Variants in LPAR1 observed in about 807,000 individuals in gnomAD.
The protein encoded by LPAR1 is lysophosphatidic acid receptor 1, also known as LPA receptor 1.
A neutral mutation model predicts 23.8 loss-of-function variants in LPAR1; 5 were observed. The observed-to-expected ratio is 0.21, with a 90% CI of 0.11 to 0.44. The LOEUF is 0.44. Among genes scored for constraint, LPAR1 ranks in the 20% least tolerant of loss-of-function variants. The pLI, the probability that LPAR1 is intolerant of heterozygous loss-of-function variation, is 0.99. For synonymous variants in LPAR1, 160 were observed against 164.7 expected, an observed-to-expected ratio of 0.97 and a Z score of 0.22; for missense variants, 311 against 482.8, an observed-to-expected ratio of 0.64 and a Z score of 3.33.
At chr9:110,893,637 G>T (rs909338946) in intron 5 of LPAR1, among the ~76,000 whole-genome samples, 1 of 152,124 alleles carries the variant, frequency 6.6e-6, no homozygotes, top group Non-Finnish European at 1.5e-5. Context: ...CATTGTTTTT[G>T]TAACTTTTTT....
At chr9:110,882,426 G>T (rs1197677488) in intron 5 of LPAR1, among the ~76,000 whole-genome samples, 1 of 152,122 alleles carries the variant, frequency 6.6e-6, no homozygotes, top group South Asian at 2.1e-4. Context: ...TTAAATTACG[G>T]GTGGAAAATA....
Position 110,874,423 on chromosome 9 carries a change from A to C in LPAR1, c.*998T>G, listed in dbSNP as rs2078692163. Reference sequence around the variant, plus strand: ...TGTAAAAAAAGTATACAATACACATATAGGCATACATGGGGGTTGCTTTTT... The same window carrying C: ...TGTAAAAAAAGTATACAATACACATCTAGGCATACATGGGGGTTGCTTTTT... On this transcript the variant is annotated 3_prime_UTR_variant, in exon 6 of 6. Coordinates refer to ENST00000683809, the MANE Select transcript of LPAR1 (RefSeq NM_001351411.2). 6.6e-6 allele frequency: 1 copy of C among 152,664 alleles called. No individual in the cohort carries two copies. The highest frequency in any genetic ancestry group is 2.4e-5 in the African/African-American group (1 of 41,466). 9.5% of individuals were successfully genotyped at this position (152,664 alleles called of 1,614,324 possible).
rs772129805 is a variant in LPAR1, at chr9:110,942,095, T to G, written c.119A>C (p.His40Pro). The change falls in exon 5 of 6, where the codon CAT becomes CCT. Residue 40 changes from histidine (H) to proline (P), a missense_variant. Coordinates refer to ENST00000683809, the MANE Select transcript of LPAR1 (RefSeq NM_001351411.2). ...IAFFYNRSGK[H>P]LATEWNTVSK... ...GACTGTGTTCCATTCTGTGGCAAGATGCTTTCCACTTCGGTTATAAAAGAA... is the reference window on the plus strand; with the variant it reads ...GACTGTGTTCCATTCTGTGGCAAGAGGCTTTCCACTTCGGTTATAAAAGAA... The G allele has an allele frequency of 1.2e-6, 2 of 1,614,138 alleles. No individual in the cohort carries two copies. Among genetic ancestry groups the G allele is most frequent in the East Asian group, 2.2e-5 (1 of 44,884 alleles).
intron 4 of LPAR1, among the ~76,000 whole-genome samples, chr9:110,950,643 G>GA (rs1049949607): frequency 1.3e-5 from 2 of 149,856 alleles, no homozygotes; most frequent in East Asian, 2.0e-4. Flanking sequence ...AAAAATACCA[G>GA]AAAAAAAAAT....
chr9:110,922,527 A>G (rs2093699482), intron 5 of LPAR1, among the ~76,000 whole-genome samples: 1 of 152,118 alleles, frequency 6.6e-6, no homozygotes, highest in Non-Finnish European at 1.5e-5. Context: ...TAAAAATGAT[A>G]ATTCTTTCAA....
intron 5 of LPAR1, among the ~76,000 whole-genome samples, chr9:110,878,227 C>A (rs1192762918): frequency 6.6e-6 from 1 of 152,118 alleles, no homozygotes; most frequent in African/African-American, 2.4e-5. Context: ...ACAGTACAGG[C>A]CTCCGAAATC....
At chr9:110,928,124 T>C (rs901210936) in intron 5 of LPAR1, among the ~76,000 whole-genome samples, 2 of 152,152 alleles carry the variant, frequency 1.3e-5, no homozygotes, top group African/African-American at 4.8e-5. Flanking sequence ...AATCAGTAAC[T>C]GCAGAAGGAC....
At chr9:110,927,235 C>T (rs199931833) in intron 5 of LPAR1, among the ~76,000 whole-genome samples, 1 of 149,332 alleles carries the variant, frequency 6.7e-6, no homozygotes, top group East Asian at 2.0e-4. Context: ...GCATTCCACA[C>T]TTTTTTTTTT....
intron 4 of LPAR1, among the ~76,000 whole-genome samples, chr9:110,969,949 A>G (rs34835899): frequency 6.6e-6 from 1 of 152,124 alleles, no homozygotes; most frequent in Non-Finnish European, 1.5e-5. Flanking sequence ...GAAGTGTATA[A>G]TTTTAATAGA....
At chr9:110,946,309 A>G (rs1038609123) in intron 4 of LPAR1, among the ~76,000 whole-genome samples, 1 of 152,180 alleles carries the variant, frequency 6.6e-6, no homozygotes, top group Non-Finnish European at 1.5e-5. Context: ...TAATTGCCTA[A>G]AAAGAAAGGT....
At chr9:110,995,701 T>C (rs1467621466) in intron 2 of LPAR1, among the ~76,000 whole-genome samples, 2 of 152,174 alleles carry the variant, frequency 1.3e-5, no homozygotes, top group African/African-American at 2.4e-5. Context: ...TGATATACAA[T>C]TCTATGAATA....
chr9:110,898,693 C>T (rs2087419965), intron 5 of LPAR1, among the ~76,000 whole-genome samples: 1 of 152,214 alleles, frequency 6.6e-6, no homozygotes, highest in African/African-American at 2.4e-5. Flanking sequence ...ACCAACTTCT[C>T]TAGGCCTCAA....
intron 4 of LPAR1, among the ~76,000 whole-genome samples, chr9:110,969,370 C>A (rs527765639): frequency 2.0e-5 from 3 of 152,034 alleles, no homozygotes; most frequent in Non-Finnish European, 2.9e-5. Context: ...TTCCTCCATA[C>A]GATATCTTGG....
chr9:110,951,767 T>C (rs1427536798), intron 4 of LPAR1, among the ~76,000 whole-genome samples: 2 of 151,636 alleles, frequency 1.3e-5, no homozygotes, highest in Non-Finnish European at 1.5e-5. Context: ...CTAACCCTAG[T>C]TTAAAAAAAA....
chr9:110,994,517 AAC>A (rs2096957823), intron 2 of LPAR1, among the ~76,000 whole-genome samples: 1 of 152,184 alleles, frequency 6.6e-6, no homozygotes, highest in Non-Finnish European at 1.5e-5. Context: ...TTGTGAGAAA[AAC>A]AGAGTATTTG....
chr9:110,989,570 T>C (rs796331231), intron 2 of LPAR1, among the ~76,000 whole-genome samples: 3 of 152,258 alleles, frequency 2.0e-5, no homozygotes, highest in African/African-American at 7.2e-5. Flanking sequence ...TACAATAAAT[T>C]AAAGCCTACT....
At chr9:110,894,551 G>A (rs1387078182) in intron 5 of LPAR1, among the ~76,000 whole-genome samples, 1 of 152,102 alleles carries the variant, frequency 6.6e-6, no homozygotes, top group Non-Finnish European at 1.5e-5. Flanking sequence ...ACTGTTATTG[G>A]TTCTCCTAAC....
rs4978969 is a variant in LPAR1, at chr9:110,932,219, G to C, written c.793+9202C>G. On this transcript the variant is annotated intron_variant, in intron 5 of 5. Coordinates refer to ENST00000683809, the MANE Select transcript of LPAR1 (RefSeq NM_001351411.2). ...GAGGTATATTTCATGTAGTCATTCA[G>C]CAAATATCTAGAGTGCCAGGACCTA... Among the ~76,000 whole-genome samples, 278 of 152,106 alleles carry C rather than the reference G, an allele frequency of 1.8e-3. 4 individuals are homozygous for C. The highest frequency in any genetic ancestry group is 0.017 in the Middle Eastern group (5 of 294).
chr9:110,914,051 C>G (rs1358446246), intron 5 of LPAR1, among the ~76,000 whole-genome samples: 2 of 152,142 alleles, frequency 1.3e-5, no homozygotes, highest in African/African-American at 2.4e-5. Context: ...TTCCTGTCCT[C>G]AAAGGATGAC....
Sources: gnomAD v4.1 joint callset for allele counts (sites outside exome capture counted in the v4.1 genomes callset) on GRCh38, gnomAD v4.1.1 for gene constraint, MANE v1.5 for transcripts, NCBI Gene and HGNC (gene_info 2026-07-23, HGNC 2026-07-21) for gene names.